The following VWA2 variants were observed in gnomAD, a reference collection of about 807,000 sequenced individuals.
VWA2 encodes von Willebrand factor A domain-containing protein 2.
VWA2 carries 73 observed loss-of-function variants against 70.4 expected under a neutral mutation model. The ratio of observed to expected loss-of-function variants is 1.04; its 90% CI spans 0.86 to 1.26. VWA2 has a LOEUF of 1.26. Among genes scored for constraint, VWA2 ranks in the 50% most tolerant of loss-of-function variants. VWA2 has a pLI of 0.00. For synonymous variants in VWA2, 407 were observed against 423.3 expected (o/e 0.96, Z 0.47); for missense variants, 1,011 against 998.5 (o/e 1.01, Z -0.17).
chr10:114,264,864 C>T (rs374009360), intron 5 of VWA2, among the ~76,000 whole-genome samples: 1 of 152,204 alleles, frequency 6.6e-6, no homozygotes, highest in South Asian at 2.1e-4. Flanking sequence ...GGACTATAGG[C>T]GCTCGTCACC....
At chr10:114,249,088 C>T (rs943682903) in intron 2 of VWA2, among the ~76,000 whole-genome samples, 2 of 152,034 alleles carry the variant, frequency 1.3e-5, no homozygotes, top group African/African-American at 4.8e-5. Flanking sequence ...ATGGTGTGTG[C>T]CATGATGGTT....
At chr10:114,272,448 A>G (rs2037730433) in intron 5 of VWA2, among the ~76,000 whole-genome samples, 1 of 152,212 alleles carries the variant, frequency 6.6e-6, no homozygotes, top group Non-Finnish European at 1.5e-5. Flanking sequence ...AAATGACAAG[A>G]GCTGTCGGCC....
chr10:114,252,015 C>G (rs2037207487), intron 2 of VWA2, among the ~76,000 whole-genome samples: 1 of 151,990 alleles, frequency 6.6e-6, no homozygotes, highest in African/African-American at 2.4e-5. Context: ...CCCTGTTGGC[C>G]AGGCTGTTCT....
At chr10:114,265,551 A>G (rs982658713) in intron 5 of VWA2, among the ~76,000 whole-genome samples, 5 of 152,206 alleles carry the variant, frequency 3.3e-5, no homozygotes, top group African/African-American at 1.2e-4. Flanking sequence ...AGTGGGTTAC[A>G]CTGCCAATCC....
chr10:114,269,844 A>G (rs567414316), intron 5 of VWA2, among the ~76,000 whole-genome samples: 2 of 152,320 alleles, frequency 1.3e-5, no homozygotes, highest in African/African-American at 4.8e-5. Flanking sequence ...ATCCAAGAAC[A>G]TAGCCAGGAG....
At chr10:114,240,432 C>A (rs563956074) in intron 1 of VWA2, among the ~76,000 whole-genome samples, 3 of 152,256 alleles carry the variant, frequency 2.0e-5, no homozygotes, top group African/African-American at 7.2e-5. Flanking sequence ...ATCAAGGGCT[C>A]CAGCTGAAGC....
chr10:114,269,120 G>C (rs535748657), intron 5 of VWA2, among the ~76,000 whole-genome samples: 4 of 152,362 alleles, frequency 2.6e-5, no homozygotes, highest in African/African-American at 9.6e-5. Flanking sequence ...TTAACAGGGT[G>C]CTGAGGTAGA....
In VWA2 at chr10:114,284,884, G is replaced by A. The variant is rs776808812; in HGVS notation, c.911G>A (p.Cys304Tyr). 15 of 1,609,294 alleles carry A rather than the reference G, an allele frequency of 9.3e-6. No homozygotes were observed. The highest frequency in any genetic ancestry group is 1.8e-4 in the Middle Eastern group (1 of 5,668). Residue 304 changes from cysteine to tyrosine, a missense_variant, in exon 10 of 14, where the codon TGC becomes TAC. Cys to Tyr is a radical substitution (Grantham distance 194). Transcript: ENST00000392982. Reference sequence around the variant, plus strand: ...ATAGGCCCCTGTGACTCGCAGCCCTGCCAGAATGGAGGCACATGTGTTCCA... The same window carrying A: ...ATAGGCCCCTGTGACTCGCAGCCCTACCAGAATGGAGGCACATGTGTTCCA... Reference protein sequence around the residue: ...TCPGPCDSQPCQNGGTCVPEG... With the variant: ...TCPGPCDSQPYQNGGTCVPEG...
At chr10:114,246,578 A>T (rs2037077947) in intron 1 of VWA2, 1 of 1,229,842 alleles carries the variant, frequency 8.1e-7, no homozygotes, top group African/African-American at 1.5e-5. Context: ...GGGACCCAGG[A>T]CCTCATTTTA....
chr10:114,241,238 TCA>T (rs1437472596), intron 1 of VWA2, among the ~76,000 whole-genome samples: 2 of 152,152 alleles, frequency 1.3e-5, no homozygotes, highest in East Asian at 1.9e-4. Flanking sequence ...GACCCAAAGT[TCA>T]CAGTTTGCCC....
At chr10:114,251,002 G>A (rs2037184210) in intron 2 of VWA2, among the ~76,000 whole-genome samples, 1 of 152,236 alleles carries the variant, frequency 6.6e-6, no homozygotes. Context: ...GCAGACATGG[G>A]ACTAACACCC....
chr10:114,287,043 C>G (rs2038987606), intron 11 of VWA2, among the ~76,000 whole-genome samples: 1 of 152,170 alleles, frequency 6.6e-6, no homozygotes, highest in African/African-American at 2.4e-5. Context: ...ACTTGGGATG[C>G]ATTCTGACAT....
intron 5 of VWA2, 90 bp downstream of exon 5, chr10:114,261,385 A>C: frequency 3.0e-6 from 3 of 1,010,488 alleles, no homozygotes; most frequent in Non-Finnish European, 4.6e-6. Context: ...CTCTGGGCTC[A>C]CAGAGAGGAC....
At chr10:114,280,326 A>G (rs1448314762) in intron 8 of VWA2, among the ~76,000 whole-genome samples, 1 of 152,208 alleles carries the variant, frequency 6.6e-6, no homozygotes, top group African/African-American at 2.4e-5. Context: ...TCACAAGCTG[A>G]CGCTCCAGTA....
In VWA2 at chr10:114,246,696, A is replaced by C. The variant is rs980506170; in HGVS notation, c.-10-2008A>C. 2.3e-5 allele frequency: 36 copies of C among 1,556,498 alleles called. No individual in the cohort carries two copies. In the African/African-American group the frequency reaches 4.3e-4, roughly 19 times the overall value. On this transcript the variant is annotated intron_variant, in intron 1 of 13. Coordinates refer to ENST00000392982, the MANE Select transcript of VWA2 (RefSeq NM_001272046.2). ...AACCATTAAATTCCCAAAACAAAGA[A>C]TCAACTAGCAAACAGTCTTAGGAAT...
chr10:114,258,333 T>A (rs1270752517), intron 4 of VWA2, among the ~76,000 whole-genome samples: 1 of 152,214 alleles, frequency 6.6e-6, no homozygotes, highest in African/African-American at 2.4e-5. Context: ...ATGGATGCTC[T>A]GTTGTTAAGG....
intron 1 of VWA2, among the ~76,000 whole-genome samples, chr10:114,247,400 T>C (rs624737): frequency 0.96 from 145,528 of 152,098 alleles, 69,650 homozygotes; most frequent in East Asian, 1. Flanking sequence ...CAGGTTCAAG[T>C]GATTCTCCTG....
chr10:114,247,037 T>G (rs1251865732), intron 1 of VWA2, among the ~76,000 whole-genome samples: 1 of 151,990 alleles, frequency 6.6e-6, no homozygotes, highest in Non-Finnish European at 1.5e-5. Context: ...AAATCCAGAG[T>G]GTGGCTGTGG....
intron 5 of VWA2, among the ~76,000 whole-genome samples, chr10:114,262,816 A>G (rs948138879): frequency 1.3e-5 from 2 of 152,222 alleles, no homozygotes; most frequent in East Asian, 3.8e-4. Context: ...GAAAGAGCTC[A>G]TTAATATGTG....
Sources: allele counts gnomAD v4.1 joint callset (sites outside exome capture counted in the v4.1 genomes callset), GRCh38; gene constraint gnomAD v4.1.1; transcripts MANE v1.5; gene names NCBI Gene and HGNC (gene_info 2026-07-23, HGNC 2026-07-21).